RBCK1: variants seen among roughly 807,000 people sequenced by gnomAD.
RBCK1 encodes RANBP2-type and C3HC4-type zinc finger containing 1, also known as ranBP-type and C3HC4-type zinc finger-containing protein 1.
In RBCK1, 44 loss-of-function variants were observed where a neutral mutation model predicts 71.1. That is an observed-to-expected ratio of 0.62 (90% CI 0.49 to 0.80). The LOEUF is 0.80. Ranked by LOEUF, RBCK1 falls within the 30% of genes least tolerant of loss-of-function variation. RBCK1 has a pLI of 0.00. For missense variants in RBCK1, 569 were observed against 685.0 expected (o/e 0.83, Z 1.89); for synonymous variants, 306 against 279.7 (o/e 1.09, Z -0.94).
At chr20:423,231 G>A (rs922001642) in intron 8 of RBCK1, among the ~76,000 whole-genome samples, 6 of 151,890 alleles carry the variant, frequency 4.0e-5, no homozygotes, top group Non-Finnish European at 7.4e-5. Context: ...CCCCGGAGGC[G>A]GAGGTTGTGG....
chr20:408,736 G>C lies in RBCK1; in HGVS notation c.-22G>C, dbSNP rs529733446. On this transcript the variant is annotated 5_prime_UTR_variant, in exon 1 of 12. Transcript: ENST00000356286. ...CCCAGGAGGCACGGTCCCCCCCAGG[G>C]GGATGGGCACAGCCACGCCAGATGG... The C allele has an allele frequency of 6.2e-7, 1 of 1,612,540 alleles. No individual in the cohort carries two copies.
chr20:419,864 AC>A (rs2016276283), intron 6 of RBCK1, 133 bp downstream of exon 6: 1 of 410,604 alleles, frequency 2.4e-6, no homozygotes, highest in Non-Finnish European at 3.2e-6. Flanking sequence ...GCTGGCAGTG[AC>A]CCTGCACCTG....
chr20:421,135 G>A (rs895677816), intron 7 of RBCK1, 104 bp downstream of exon 7: 15 of 1,365,046 alleles, frequency 1.1e-5, no homozygotes, highest in African/African-American at 5.9e-5. Flanking sequence ...CTCATTGGAC[G>A]CCCGCGAAAA....
intron 7 of RBCK1, among the ~76,000 whole-genome samples, chr20:421,561 T>C (rs1335200953): frequency 3.9e-5 from 6 of 152,228 alleles, no homozygotes; most frequent in African/African-American, 1.4e-4. Flanking sequence ...ATACAGTACA[T>C]TAAGAGACAA....
At chr20:419,890 C>G in intron 6 of RBCK1, 159 bp downstream of exon 6, 1 of 644,600 alleles carries the variant, frequency 1.6e-6, no homozygotes, top group Non-Finnish European at 2.1e-6. Context: ...TGACCCTGCA[C>G]CTGGCTGTGA....
Position 430,593 on chromosome 20 carries a change from T to G in RBCK1, c.*163T>G. On this transcript the variant is annotated 3_prime_UTR_variant, in exon 12 of 12. Transcript: ENST00000356286. The surrounding 1 kb of genome is among the most constrained non-coding windows in gnomAD (Gnocchi z 5.6). ...ACATCTGCCCCAGTGCCTTTGTCCT[T>G]CCCTTGGGGCTTGCCGGCCAGACTT... 1 of 691,008 alleles carries G rather than the reference T, an allele frequency of 1.4e-6. No individual in the cohort carries two copies. Among genetic ancestry groups the G allele is most frequent in the Non-Finnish European group, 2.5e-6 (1 of 405,988 alleles). The allele number at this position is 691,008 out of a possible 1,614,324, so 42.8% of individuals were successfully genotyped here.
rs771238122 is a variant in RBCK1, at chr20:420,963, C to T, written c.849C>T (p.Pro283=). 2.6e-6 allele frequency: 4 copies of T among 1,560,748 alleles called. No individual in the cohort carries two copies. The highest frequency in any genetic ancestry group is 1.2e-5 in the South Asian group (1 of 84,904). Residue 283 remains proline, a synonymous_variant, in exon 7 of 12, where the codon CCC becomes CCT. Transcript: ENST00000356286. The part of the protein sequence containing the change: ...LVLNTEPAEC[P]VCYSVLAPGE... ...TGAACACGGAGCCCGCCGAGTGCCC[C>T]GTGTGCTACTCGGTGCTGGCGCCCG...
chr20:418,409 C>T (rs112762527), intron 4 of RBCK1, among the ~76,000 whole-genome samples: 35 of 152,222 alleles, frequency 2.3e-4, no homozygotes, highest in African/African-American at 6.7e-4. Flanking sequence ...CGCTCTGTCG[C>T]CCAGGCTGGA....
In RBCK1 at chr20:422,166, G is replaced by A. The variant is rs148685980; in HGVS notation, c.957G>A (p.Ala319=). 6.3e-4 allele frequency: 1,023 copies of A among 1,613,062 alleles called. 10 individuals are homozygous for A. The South Asian group carries it at 0.01, about 16-fold the overall frequency. ...GCACCATCCGCAACAGCCAGGAGGC[G>A]GAGGTCTCCTGCCCCTTCATTGACA... ...LQGTIRNSQE[A]EVSCPFIDNT... is the part of the protein sequence containing the mutation. Residue 319 remains alanine, a synonymous_variant, in exon 8 of 12, where the codon GCG becomes GCA. Transcript: ENST00000356286. The surrounding 1 kb of genome is among the most constrained non-coding windows in gnomAD (Gnocchi z 5.0).
At chr20:424,178 C>T (rs754534278) in intron 8 of RBCK1, among the ~76,000 whole-genome samples, 2 of 152,212 alleles carry the variant, frequency 1.3e-5, no homozygotes, top group African/African-American at 4.8e-5. Flanking sequence ...GTGTGCTTGC[C>T]GCTGGCGCTC....
intron 8 of RBCK1, 54 bp from the exon 9 acceptor site, chr20:427,259 G>A: frequency 6.3e-7 from 1 of 1,580,894 alleles, no homozygotes; most frequent in Non-Finnish European, 8.6e-7. Context: ...GTGGTCAAGG[G>A]TCATATGTCA....
Position 428,642 on chromosome 20 carries a change from TG to T in RBCK1, c.1308+58del. ...GGGATTTTAAGTTCTGGGATCCAGG[TG>T]GGGGCTGGGGGCTTCCCAGTAAGGG... On this transcript the variant is annotated intron_variant, in intron 10 of 11. Coordinates refer to ENST00000356286, the MANE Select transcript of RBCK1 (RefSeq NM_031229.4). This position sits in a 1 kb window ranked among gnomAD's most constrained non-coding sequence, Gnocchi z 5.7. 6.6e-7 allele frequency: 1 copy of T among 1,511,384 alleles called. No individual in the cohort carries two copies. Among genetic ancestry groups the T allele is most frequent in the Non-Finnish European group, 8.9e-7 (1 of 1,121,984 alleles). 93.6% of individuals were successfully genotyped at this position (1,511,384 alleles called of 1,614,324 possible). A position where few individuals can be genotyped will look rare whatever the true frequency, so the allele number is the denominator to read the frequency against.
chr20:418,448 A>G (rs535166468), intron 4 of RBCK1, among the ~76,000 whole-genome samples: 108 of 152,114 alleles, frequency 7.1e-4, no homozygotes, highest in Non-Finnish European at 1.2e-3. Context: ...GGCTCACTGC[A>G]AGCTCCGACT....
At chr20:412,100 CAT>C (rs1404630738) in intron 2 of RBCK1, among the ~76,000 whole-genome samples, 1 of 152,168 alleles carries the variant, frequency 6.6e-6, no homozygotes, top group Non-Finnish European at 1.5e-5. Flanking sequence ...TTCCCACCAG[CAT>C]ATATGAGGGT....
chr20:426,510 T>A (rs1437241172), intron 8 of RBCK1, among the ~76,000 whole-genome samples: 2 of 152,228 alleles, frequency 1.3e-5, no homozygotes. Flanking sequence ...AGTTCTTCCA[T>A]GTTGCTGTAA....
intron 2 of RBCK1, among the ~76,000 whole-genome samples, chr20:415,297 G>A (rs938383719): frequency 2.0e-5 from 3 of 152,120 alleles, no homozygotes; most frequent in African/African-American, 7.2e-5. Context: ...CAGTCCAGGA[G>A]ATTGAAGCTG....
chr20:408,554 G>C lies in RBCK1; in HGVS notation c.-204G>C. ...GCCCGCTGCCCTCTCACCGCCCCACGCAGGATCCCGGCCTGGTCACCGGGC... is the reference window on the plus strand; with the variant it reads ...GCCCGCTGCCCTCTCACCGCCCCACCCAGGATCCCGGCCTGGTCACCGGGC... On this transcript the variant is annotated 5_prime_UTR_variant, in exon 1 of 12. Coordinates refer to ENST00000356286, the MANE Select transcript of RBCK1 (RefSeq NM_031229.4). 1.5e-6 allele frequency: 1 copy of C among 655,210 alleles called. No individual in the cohort carries two copies. The highest frequency in any genetic ancestry group is 2.5e-5 in the Admixed American group (1 of 40,710). 40.6% of individuals were successfully genotyped at this position (655,210 alleles called of 1,614,324 possible). A position where few individuals can be genotyped will look rare whatever the true frequency, so the allele number is the denominator to read the frequency against.
At position 420,961 on chromosome 20, in the gene RBCK1, C is replaced by T; in HGVS notation, c.847C>T (p.Pro283Ser). The change falls in exon 7 of 12, where the codon CCC (proline) becomes TCC (serine). Residue 283 changes from proline (P) to serine (S), a missense_variant. Physicochemically the swap from Pro to Ser is moderately conservative, Grantham distance 74. Around this residue, in one of 2 missense-constraint regions of RBCK1, gnomAD observed 211 missense variants for 309.4 expected, o/e 0.68. Transcript: ENST00000356286. ...LVLNTEPAECPVCYSVLAPGE... is the reference protein window; with the variant it reads ...LVLNTEPAECSVCYSVLAPGE... ...GCTGAACACGGAGCCCGCCGAGTGC[C>T]CCGTGTGCTACTCGGTGCTGGCGCC... is the stretch of plus-strand genomic sequence containing the variant. The T allele has an allele frequency of 1.3e-6, 2 of 1,560,346 alleles. No individual in the cohort carries two copies. Among genetic ancestry groups the T allele is most frequent in the Non-Finnish European group, 1.7e-6 (2 of 1,153,622 alleles).
At chr20:427,100 A>G (rs2016766759) in intron 8 of RBCK1, among the ~76,000 whole-genome samples, 1 of 152,016 alleles carries the variant, frequency 6.6e-6, no homozygotes, top group South Asian at 2.1e-4. Flanking sequence ...TGACCTCCCA[A>G]AGTGCTGGGA....
Sources: gnomAD v4.1 joint callset for allele counts (sites outside exome capture counted in the v4.1 genomes callset) on GRCh38, gnomAD v4.1.1 for gene constraint, gnomAD v4.1.1 regional missense constraint, Gnocchi (gnomAD v3.1) non-coding constraint, MANE v1.5 for transcripts, NCBI Gene and HGNC (gene_info 2026-07-23, HGNC 2026-07-21) for gene names.